The following PTPRD variants were observed in gnomAD, a reference collection of about 807,000 sequenced individuals.
The protein encoded by PTPRD is receptor-type tyrosine-protein phosphatase delta.
Under a neutral mutation model 214.5 loss-of-function variants are expected in PTPRD, and 34 were observed. That is an observed-to-expected ratio of 0.16 (90% CI 0.12 to 0.21). The LOEUF (loss-of-function observed/expected upper bound fraction) is 0.21. Ranked by LOEUF, PTPRD falls within the 10% of genes least tolerant of loss-of-function variation. The pLI, the probability that PTPRD is intolerant of heterozygous loss-of-function variation, is 1.00. For missense variants in PTPRD, 2,545 were observed against 2,398.7 expected (o/e 1.06, Z -1.27); for synonymous variants, 1,128 against 845.7 (o/e 1.33, Z -5.79).
chr9:9,575,717 C>CAAAAAAAAAAAAAAAAAAAAA (rs757614546), intron 7 of PTPRD, among the ~76,000 whole-genome samples: 47 of 33,316 alleles, frequency 1.4e-3, no homozygotes, highest in East Asian at 5.4e-3. Context: ...AAGACTGTCT[C>CAAAAAAAAAAAAAAAAAAAAA]AAAAAAAAAA....
intron 10 of PTPRD, among the ~76,000 whole-genome samples, chr9:9,127,045 G>T (rs1408976879): frequency 6.6e-6 from 1 of 151,066 alleles, no homozygotes; most frequent in Non-Finnish European, 1.5e-5. Context: ...ATGTACACAT[G>T]CACAAGGAAC....
intron 6 of PTPRD, among the ~76,000 whole-genome samples, chr9:9,762,827 T>C (rs1166250687): frequency 1.3e-5 from 2 of 152,228 alleles, no homozygotes; most frequent in African/African-American, 4.8e-5. Context: ...TCAAAGTTTG[T>C]CTTAATCAGC....
intron 2 of PTPRD, among the ~76,000 whole-genome samples, chr9:10,461,959 T>C (rs1221579958): frequency 6.6e-6 from 1 of 152,014 alleles, no homozygotes; most frequent in Non-Finnish European, 1.5e-5. Context: ...AAAGATCAAA[T>C]ATATAGAGAT....
At chr9:10,313,808 C>A (rs949668930) in intron 3 of PTPRD, among the ~76,000 whole-genome samples, 18 of 151,906 alleles carry the variant, frequency 1.2e-4, no homozygotes, top group Non-Finnish European at 7.4e-5. Context: ...AGAGGCCTTC[C>A]ATAATACCTT....
intron 10 of PTPRD, among the ~76,000 whole-genome samples, chr9:9,149,615 G>T (rs975157904): frequency 6.6e-6 from 1 of 152,128 alleles, no homozygotes; most frequent in African/African-American, 2.4e-5. Flanking sequence ...AAAAAATCCC[G>T]GCTTCATCCC....
At chr9:8,697,764 G>T (rs201670323) in intron 12 of PTPRD, among the ~76,000 whole-genome samples, 1 of 149,818 alleles carries the variant, frequency 6.7e-6, no homozygotes, top group African/African-American at 2.4e-5. Context: ...TGGGTGCGTG[G>T]GTGTGTGTGT....
chr9:9,232,222 T>C (rs2099963568), intron 9 of PTPRD, among the ~76,000 whole-genome samples: 1 of 152,154 alleles, frequency 6.6e-6, no homozygotes, highest in Admixed American at 6.6e-5. Context: ...AAAGGAGGTT[T>C]AGAAGAGTTG....
chr9:9,494,035 T>C (rs1237668391), intron 8 of PTPRD, among the ~76,000 whole-genome samples: 1 of 152,102 alleles, frequency 6.6e-6, no homozygotes, highest in Non-Finnish European at 1.5e-5. Flanking sequence ...TATGAGGGGA[T>C]GAAGACTTCA....
At position 9,697,997 on chromosome 9, in the gene PTPRD, T is replaced by A. The variant is rs183005202; in HGVS notation, c.-287+36536A>T. Reference sequence around the variant, plus strand: ...CTCAGCTCCAGGAATTCTGTTTCAATTTTTAATTATTTCTCTGTTAAATTT... The same window carrying A: ...CTCAGCTCCAGGAATTCTGTTTCAAATTTTAATTATTTCTCTGTTAAATTT... On this transcript the variant is annotated intron_variant, in intron 7 of 45. Transcript: ENST00000381196. Among the ~76,000 whole-genome samples, 573 of 152,320 alleles carry A rather than the reference T, an allele frequency of 3.8e-3. 1 individual carries two copies. Among genetic ancestry groups the A allele is most frequent in the African/African-American group, 0.013 (532 of 41,588 alleles).
At chr9:9,975,242 T>C (rs773140389) in intron 4 of PTPRD, among the ~76,000 whole-genome samples, 9 of 152,224 alleles carry the variant, frequency 5.9e-5, no homozygotes, top group Non-Finnish European at 1.2e-4. Context: ...TATTTTTCTT[T>C]ATCTAGATCC....
chr9:8,466,535 G>C (rs2096547614), intron 31 of PTPRD, among the ~76,000 whole-genome samples: 1 of 151,770 alleles, frequency 6.6e-6, no homozygotes, highest in Non-Finnish European at 1.5e-5. Flanking sequence ...TACTAACAGT[G>C]GTTATGAACA....
intron 10 of PTPRD, among the ~76,000 whole-genome samples, chr9:9,088,607 AAAG>A (rs1468336997): frequency 2.0e-5 from 3 of 148,576 alleles, no homozygotes; most frequent in Non-Finnish European, 4.5e-5. Flanking sequence ...AAAAAAAAAA[AAAG>A]AAGTCTGGCT....
At chr9:10,559,927 A>C (rs932720401) in intron 2 of PTPRD, among the ~76,000 whole-genome samples, 1 of 151,908 alleles carries the variant, frequency 6.6e-6, no homozygotes, top group Admixed American at 6.6e-5. Flanking sequence ...TGGAGAGGAT[A>C]TGGAGAAATA....
At chr9:9,134,313 T>C (rs1165316080) in intron 10 of PTPRD, among the ~76,000 whole-genome samples, 1 of 136,916 alleles carries the variant, frequency 7.3e-6, no homozygotes, top group Non-Finnish European at 1.5e-5. Context: ...GACCTCATGA[T>C]CCACCCGCCT....
chr9:8,745,978 G>A (rs1217938475), intron 11 of PTPRD, among the ~76,000 whole-genome samples: 1 of 152,086 alleles, frequency 6.6e-6, no homozygotes, highest in East Asian at 1.9e-4. Flanking sequence ...ATTTTTATTG[G>A]GAAGGGGTCT....
At chr9:9,358,849 T>A (rs922698695) in intron 9 of PTPRD, among the ~76,000 whole-genome samples, 2 of 151,446 alleles carry the variant, frequency 1.3e-5, no homozygotes, top group African/African-American at 4.8e-5. Flanking sequence ...TATAGGAAAC[T>A]CAAGGCGAGA....
chr9:9,148,597 A>G (rs1250507272), intron 10 of PTPRD, among the ~76,000 whole-genome samples: 1 of 152,130 alleles, frequency 6.6e-6, no homozygotes, highest in Non-Finnish European at 1.5e-5. Context: ...CAGAACCGAA[A>G]CTGTGAGGAC....
intron 33 of PTPRD, chr9:8,454,718 G>A: frequency 1.0e-6 from 1 of 996,320 alleles, no homozygotes; most frequent in Admixed American, 2.1e-5. Flanking sequence ...ACACATAACT[G>A]ACATACATTC....
intron 2 of PTPRD, among the ~76,000 whole-genome samples, chr9:10,491,656 C>T (rs1164085426): frequency 6.6e-6 from 1 of 151,252 alleles, no homozygotes; most frequent in Non-Finnish European, 1.5e-5. Flanking sequence ...TGGAGGCTTG[C>T]TTTTAGAGAA....
Sources: gnomAD v4.1 joint callset for allele counts (sites outside exome capture counted in the v4.1 genomes callset) on GRCh38, gnomAD v4.1.1 for gene constraint, MANE v1.5 for transcripts, NCBI Gene and HGNC (gene_info 2026-07-23, HGNC 2026-07-21) for gene names.